Variants in THRB observed in about 807,000 individuals in gnomAD.
The protein encoded by THRB is nuclear receptor subfamily 1 group A member 2.
THRB carries 12 observed loss-of-function variants against 47.8 expected under a neutral mutation model. That is an observed-to-expected ratio of 0.25 (90% CI 0.16 to 0.41). The LOEUF (loss-of-function observed/expected upper bound fraction) is 0.41, where lower values mean the gene tolerates loss of function less well. Among genes scored for constraint, THRB ranks in the 10% least tolerant of loss-of-function variants. THRB has a pLI of 1.00. For missense variants in THRB, 348 were observed against 589.2 expected (o/e 0.59, Z 4.24); for synonymous variants, 218 against 212.2 (o/e 1.03, Z -0.24).
intron 1 of THRB, among the ~76,000 whole-genome samples, chr3:24,487,207 G>A (rs946491408): frequency 5.3e-5 from 8 of 152,008 alleles, no homozygotes; most frequent in Non-Finnish European, 8.8e-5. Context: ...GCTAGATACT[G>A]GTCATTTGTC....
intron 6 of THRB, among the ~76,000 whole-genome samples, chr3:24,148,380 G>A (rs1030326583): frequency 1.3e-5 from 2 of 152,152 alleles, no homozygotes; most frequent in African/African-American, 2.4e-5. Flanking sequence ...GTCCTCCTTG[G>A]CCTCCCAAAG....
chr3:24,389,825 T>C (rs1372223123), intron 1 of THRB, among the ~76,000 whole-genome samples: 1 of 152,030 alleles, frequency 6.6e-6, no homozygotes, highest in Non-Finnish European at 1.5e-5. Context: ...CAATAAGCAA[T>C]ACTCAACAAG....
intron 1 of THRB, chr3:24,348,847 C>G (rs1240277617): frequency 6.6e-6 from 1 of 151,998 alleles, no homozygotes; most frequent in Admixed American, 6.6e-5. Flanking sequence ...TCTATAACCA[C>G]CTCTATAAAA....
intron 1 of THRB, among the ~76,000 whole-genome samples, chr3:24,373,022 C>A (rs1577161618): frequency 6.6e-6 from 1 of 152,042 alleles, no homozygotes; most frequent in African/African-American, 2.4e-5. Flanking sequence ...AGAAAGAGAT[C>A]AGCCTAAGTG....
intron 3 of THRB, among the ~76,000 whole-genome samples, chr3:24,264,804 A>AT (rs1322512077): frequency 3.3e-5 from 5 of 151,592 alleles, no homozygotes; most frequent in Non-Finnish European, 5.9e-5. Context: ...GCAAAAAAAA[A>AT]AAAACTGGAC....
At chr3:24,300,461 T>C (rs1026738975) in intron 2 of THRB, among the ~76,000 whole-genome samples, 1 of 152,178 alleles carries the variant, frequency 6.6e-6, no homozygotes, top group Non-Finnish European at 1.5e-5. Flanking sequence ...ATTCGCTTGG[T>C]TTCCAGATTC....
intron 1 of THRB, among the ~76,000 whole-genome samples, chr3:24,391,666 T>C (rs2066577732): frequency 6.6e-6 from 1 of 152,266 alleles, no homozygotes; most frequent in African/African-American, 2.4e-5. Context: ...TAATTTCTAT[T>C]ATTCTGTTTA....
chr3:24,147,627 G>A (rs1467555799), intron 6 of THRB, among the ~76,000 whole-genome samples: 1 of 152,178 alleles, frequency 6.6e-6, no homozygotes, highest in Non-Finnish European at 1.5e-5. Flanking sequence ...ATATTCTCAA[G>A]AATGTGCAAT....
At chr3:24,412,183 G>C (rs1265561246) in intron 1 of THRB, among the ~76,000 whole-genome samples, 1 of 151,796 alleles carries the variant, frequency 6.6e-6, no homozygotes, top group Non-Finnish European at 1.5e-5. Flanking sequence ...TTATAACATG[G>C]ATGACAGCAT....
chr3:24,130,034 C>T (rs141682079), intron 9 of THRB, among the ~76,000 whole-genome samples: 2 of 152,272 alleles, frequency 1.3e-5, no homozygotes, highest in East Asian at 1.9e-4. Flanking sequence ...GGGTAGCTCA[C>T]GAACCTATAC....
rs922045362 is a variant in THRB, at chr3:24,267,365, T to C, written c.-43+29861A>G. Among the ~76,000 whole-genome samples, 6 of 151,742 alleles carry C rather than the reference T, an allele frequency of 4.0e-5. No individual in the cohort carries two copies. The East Asian group carries it at 5.8e-4, about 15-fold the overall frequency. On this transcript the variant is annotated intron_variant, in intron 3 of 10. Coordinates refer to ENST00000646209, the MANE Select transcript of THRB (RefSeq NM_001354712.2). ...TGTAAAGGTATAATGTTAGAAACTTTTCCTGAAAAAAAAAAAAGACTTGAA... is the reference window on the plus strand; with the variant it reads ...TGTAAAGGTATAATGTTAGAAACTTCTCCTGAAAAAAAAAAAAGACTTGAA...
chr3:24,255,136 G>T (rs1305704392), intron 3 of THRB, among the ~76,000 whole-genome samples: 1 of 151,900 alleles, frequency 6.6e-6, no homozygotes. Flanking sequence ...TTGGTTACTG[G>T]AAAGTCTGTA....
At chr3:24,198,975 G>A (rs1253334053) in intron 4 of THRB, among the ~76,000 whole-genome samples, 2 of 152,154 alleles carry the variant, frequency 1.3e-5, no homozygotes, top group Non-Finnish European at 2.9e-5. Context: ...CAAGGTAGCT[G>A]AAGGGCATAA....
chr3:24,337,971 A>G (rs1206210826), intron 1 of THRB, among the ~76,000 whole-genome samples: 2 of 152,236 alleles, frequency 1.3e-5, no homozygotes, highest in African/African-American at 4.8e-5. Flanking sequence ...AAAGGCAGCC[A>G]AACAGACCAC....
chr3:24,293,035 A>G lies in THRB; in HGVS notation c.-43+4191T>C, dbSNP rs187544999. Among the ~76,000 whole-genome samples the G allele has an allele frequency of 4.6e-3, 669 of 146,334 alleles. 2 individuals are homozygous for G. The highest frequency in any genetic ancestry group is 0.011 in the Middle Eastern group (3 of 284). ...GCTGCAAAGTTTTTGTTTGTTGCTC[A>G]TAATTTTTTGCACCTGCTACCACTC... is the stretch of plus-strand genomic sequence containing the variant. On this transcript the variant is annotated intron_variant, in intron 3 of 10. Coordinates refer to ENST00000646209, the MANE Select transcript of THRB (RefSeq NM_001354712.2).
intron 4 of THRB, among the ~76,000 whole-genome samples, chr3:24,210,654 A>T (rs6792679): frequency 0.15 from 22,811 of 152,140 alleles, 4,992 homozygotes; most frequent in African/African-American, 0.48. Flanking sequence ...CAAAGCGTTC[A>T]TCCTCTGACG....
At chr3:24,289,836 T>C (rs946081310) in intron 3 of THRB, among the ~76,000 whole-genome samples, 2 of 152,224 alleles carry the variant, frequency 1.3e-5, no homozygotes, top group East Asian at 1.9e-4. Context: ...TATATCTATA[T>C]GTATACCTCA....
chr3:24,128,136 T>C (rs189156624), intron 9 of THRB, among the ~76,000 whole-genome samples: 4 of 152,250 alleles, frequency 2.6e-5, no homozygotes, highest in Middle Eastern at 6.8e-3. Context: ...TTTTTGTTTG[T>C]TTGGTTTTTT....
intron 3 of THRB, among the ~76,000 whole-genome samples, chr3:24,284,083 T>C (rs1353927525): frequency 7.0e-6 from 1 of 142,616 alleles, no homozygotes; most frequent in Non-Finnish European, 1.5e-5. Flanking sequence ...AAAACTACTT[T>C]AAAGTTCATA....
Sources: allele counts gnomAD v4.1 joint callset (sites outside exome capture counted in the v4.1 genomes callset), GRCh38; gene constraint gnomAD v4.1.1; transcripts MANE v1.5; gene names NCBI Gene and HGNC (gene_info 2026-07-23, HGNC 2026-07-21).